Variants in NXPE2 observed in about 807,000 individuals in gnomAD.
The protein encoded by NXPE2 is NXPE family member 2.
A neutral mutation model predicts 34.4 loss-of-function variants in NXPE2; 34 were observed. The observed-to-expected ratio is 0.99, with a 90% confidence interval of 0.75 to 1.31. The LOEUF is 1.31. NXPE2 is among the 40% of genes most tolerant of loss of function. The pLI is 0.00. For synonymous variants in NXPE2, 235 were observed against 231.3 expected, an observed-to-expected ratio of 1.02 and a Z score of -0.15; for missense variants, 649 against 672.5, an observed-to-expected ratio of 0.97 and a Z score of 0.39.
At chr11:114,514,945 T>C in the NXPE2 span, among the ~76,000 whole-genome samples, 9 of 152,196 alleles carry the variant, frequency 5.9e-5, no homozygotes, top group South Asian at 1.7e-3. Flanking sequence ...AAGTAATATC[T>C]TTTAAAATGA....
At chr11:114,713,055 C>T in the NXPE2 span, among the ~76,000 whole-genome samples, 4 of 152,076 alleles carry the variant, frequency 2.6e-5, no homozygotes, top group Non-Finnish European at 4.4e-5. Flanking sequence ...GGATTCCACT[C>T]CTATGATGTA....
the NXPE2 span, chr11:114,582,529 G>T: frequency 3.7e-6 from 6 of 1,614,118 alleles, no homozygotes; most frequent in Non-Finnish European, 5.1e-6. Context: ...TCATAGCCTT[G>T]GTTCCTTGCA....
At chr11:114,753,665 G>A in the NXPE2 span, among the ~76,000 whole-genome samples, 177 of 152,218 alleles carry the variant, frequency 1.2e-3, 1 homozygote, top group African/African-American at 4.0e-3. Flanking sequence ...TGAGCCATGC[G>A]TAAAGAGAAC....
chr11:114,533,064 A>G, the NXPE2 span, among the ~76,000 whole-genome samples: 1 of 152,236 alleles, frequency 6.6e-6, no homozygotes, highest in South Asian at 2.1e-4. Context: ...AATGTTCAAC[A>G]TAACGTTAGA....
At chr11:114,754,849 G>T in the NXPE2 span, among the ~76,000 whole-genome samples, 1 of 152,210 alleles carries the variant, frequency 6.6e-6, no homozygotes, top group African/African-American at 2.4e-5. Context: ...TAAGAAATGG[G>T]TCCCAGGGAA....
At chr11:114,602,709 A>G in the NXPE2 span, among the ~76,000 whole-genome samples, 1 of 133,374 alleles carries the variant, frequency 7.5e-6, no homozygotes, top group African/African-American at 2.9e-5. Context: ...TAATAATTAC[A>G]GAATCACATA....
the NXPE2 span, among the ~76,000 whole-genome samples, chr11:114,628,263 C>G: frequency 6.7e-6 from 1 of 149,474 alleles, no homozygotes; most frequent in African/African-American, 2.5e-5. Context: ...TGACCATATA[C>G]TTGGAAATAA....
chr11:114,715,797 A>G, the NXPE2 span, among the ~76,000 whole-genome samples: 59 of 152,338 alleles, frequency 3.9e-4, no homozygotes, highest in South Asian at 6.4e-3. Flanking sequence ...TGAGCCCTTC[A>G]TAGATGACCT....
chr11:114,760,836 A>G, the NXPE2 span, among the ~76,000 whole-genome samples: 1 of 152,228 alleles, frequency 6.6e-6, no homozygotes, highest in Admixed American at 6.5e-5. Flanking sequence ...TTTAATCAAA[A>G]GAACAGCTTT....
the NXPE2 span, among the ~76,000 whole-genome samples, chr11:114,640,972 A>G: frequency 6.6e-6 from 1 of 152,082 alleles, no homozygotes; most frequent in Non-Finnish European, 1.5e-5. Flanking sequence ...TAGAGCAAGA[A>G]TTAGAATTAA....
At chr11:114,476,848 G>A in the NXPE2 span, among the ~76,000 whole-genome samples, 1 of 152,148 alleles carries the variant, frequency 6.6e-6, no homozygotes, top group Non-Finnish European at 1.5e-5. Flanking sequence ...TAGTGTGTGT[G>A]GAGGTAGTGG....
At chr11:114,714,644 A>G in the NXPE2 span, among the ~76,000 whole-genome samples, 1 of 152,176 alleles carries the variant, frequency 6.6e-6, no homozygotes, top group Admixed American at 6.6e-5. Context: ...GGTTCTTTAC[A>G]TGTGGCAGCT....
chr11:114,617,189 G>A, the NXPE2 span, among the ~76,000 whole-genome samples: 1 of 151,758 alleles, frequency 6.6e-6, no homozygotes, highest in African/African-American at 2.4e-5. Context: ...AATAAGTGTT[G>A]TCTTGTTGGT....
the NXPE2 span, among the ~76,000 whole-genome samples, chr11:114,618,290 G>T: frequency 6.6e-6 from 1 of 152,082 alleles, no homozygotes; most frequent in South Asian, 2.1e-4. Context: ...TACCGCATGG[G>T]TAACCACTGT....
At chr11:114,536,609 G>A in the NXPE2 span, among the ~76,000 whole-genome samples, 30 of 152,194 alleles carry the variant, frequency 2.0e-4, no homozygotes, top group South Asian at 4.6e-3. Flanking sequence ...TATCACCACC[G>A]ATCCCACAGA....
At chr11:114,486,734 A>T in the NXPE2 span, among the ~76,000 whole-genome samples, 40 of 152,286 alleles carry the variant, frequency 2.6e-4, no homozygotes, top group Admixed American at 1.2e-3. Context: ...TTTTCCCAGC[A>T]TCATTTATTG....
At chr11:114,530,978 G>C in the NXPE2 span, 1 of 1,411,108 alleles carries the variant, frequency 7.1e-7, no homozygotes, top group East Asian at 2.4e-5. Flanking sequence ...TTATGAGTTT[G>C]AATATTTGTT....
chr11:114,630,032 A>G, the NXPE2 span, among the ~76,000 whole-genome samples: 1 of 151,436 alleles, frequency 6.6e-6, no homozygotes, highest in African/African-American at 2.4e-5. Context: ...GGATACAAAC[A>G]AATGGAAGAA....
the NXPE2 span, among the ~76,000 whole-genome samples, chr11:114,806,734 T>A: frequency 6.7e-6 from 1 of 150,020 alleles, no homozygotes; most frequent in Non-Finnish European, 1.5e-5. Context: ...CTGAAAGTGA[T>A]GGGGAGAATG....
Sources: allele counts gnomAD v4.1 joint callset (sites outside exome capture counted in the v4.1 genomes callset), GRCh38; gene constraint gnomAD v4.1.1; transcripts MANE v1.5; gene names NCBI Gene and HGNC (gene_info 2026-07-23, HGNC 2026-07-21).